IL1RAPL2: variants seen among roughly 807,000 people sequenced by gnomAD.
IL1RAPL2 encodes X-linked interleukin-1 receptor accessory protein-like 2.
A neutral mutation model predicts 44.1 loss-of-function variants in IL1RAPL2; 3 were observed. The observed-to-expected ratio is 0.07, with a 90% CI of 0.03 to 0.18. The LOEUF (loss-of-function observed/expected upper bound fraction) is 0.18, where lower values mean the gene tolerates loss of function less well. Among genes scored for constraint, IL1RAPL2 ranks in the 10% least tolerant of loss-of-function variants. IL1RAPL2 has a pLI of 1.00. For missense variants in IL1RAPL2, 391 were observed against 496.4 expected (o/e 0.79, Z 2.02); for synonymous variants, 181 against 178.8 (o/e 1.01, Z -0.10).
At chrX:105,005,545 C>A (rs927597028) in intron 2 of IL1RAPL2, among the ~76,000 whole-genome samples, 1 of 111,026 alleles carries the variant, frequency 9.0e-6, no homozygotes, top group Admixed American at 9.6e-5. Flanking sequence ...AAGGATTAGG[C>A]ACTTTACCAC....
At chrX:104,592,145 A>ATATGTG (rs1361322909) in intron 1 of IL1RAPL2, among the ~76,000 whole-genome samples, 4 of 60,222 alleles carry the variant, frequency 6.6e-5, no homozygotes, top group Non-Finnish European at 1.2e-4. Context: ...ATGCCCGTAT[A>ATATGTG]TGTGTGTGTG....
chrX:105,159,623 A>G (rs1341044929), intron 2 of IL1RAPL2, among the ~76,000 whole-genome samples: 1 of 112,399 alleles, frequency 8.9e-6, no homozygotes, highest in African/African-American at 3.2e-5. Flanking sequence ...TTCTGGAAAC[A>G]CATTGCTTTC....
chrX:104,633,831 G>T (rs1240688040), intron 1 of IL1RAPL2, among the ~76,000 whole-genome samples: 4 of 111,192 alleles, frequency 3.6e-5, no homozygotes. Flanking sequence ...GTTTTTTTGT[G>T]TCTCTATTTC....
At chrX:105,159,048 G>C (rs1456527426) in intron 2 of IL1RAPL2, among the ~76,000 whole-genome samples, 1 of 111,839 alleles carries the variant, frequency 8.9e-6, no homozygotes, top group African/African-American at 3.3e-5. Flanking sequence ...CTGTGTACCA[G>C]GCATTATACC....
At chrX:105,192,742 T>C (rs1556138059) in intron 2 of IL1RAPL2, among the ~76,000 whole-genome samples, 1 of 110,989 alleles carries the variant, frequency 9.0e-6, no homozygotes, top group Non-Finnish European at 1.9e-5. Context: ...TCTTGAAATA[T>C]GTTGTAACCT....
chrX:105,444,468 G>A (rs1394398288), intron 5 of IL1RAPL2, among the ~76,000 whole-genome samples: 1 of 111,047 alleles, frequency 9.0e-6, no homozygotes, highest in African/African-American at 3.3e-5. Flanking sequence ...TTGCTTCATA[G>A]TCTGAGGTTT....
At chrX:104,908,194 T>G (rs1035213104) in intron 2 of IL1RAPL2, among the ~76,000 whole-genome samples, 18 of 111,875 alleles carry the variant, frequency 1.6e-4, no homozygotes, top group African/African-American at 5.9e-4. Flanking sequence ...AGCCTATGTG[T>G]GTCTCTGCAC....
intron 2 of IL1RAPL2, among the ~76,000 whole-genome samples, chrX:104,812,230 G>T (rs1196529397): frequency 9.0e-6 from 1 of 111,349 alleles, no homozygotes; most frequent in East Asian, 2.8e-4. Flanking sequence ...CCTGCTGATG[G>T]TCTGCATACA....
At chrX:104,651,081 A>G (rs1007335198) in intron 1 of IL1RAPL2, among the ~76,000 whole-genome samples, 4 of 112,144 alleles carry the variant, frequency 3.6e-5, no homozygotes, top group Admixed American at 2.8e-4. Context: ...ATAAAGTATA[A>G]TCATTGTTCA....
At chrX:104,727,421 A>T (rs1398345387) in intron 2 of IL1RAPL2, among the ~76,000 whole-genome samples, 2 of 111,723 alleles carry the variant, frequency 1.8e-5, no homozygotes, top group Non-Finnish European at 3.8e-5. Flanking sequence ...TATTATTAAA[A>T]AGTAAAAAAT....
At chrX:105,626,466 G>A (rs1408788631) in intron 6 of IL1RAPL2, among the ~76,000 whole-genome samples, 1 of 111,508 alleles carries the variant, frequency 9.0e-6, no homozygotes. Context: ...AACAGAGGAA[G>A]ATAAATCTGA....
intron 2 of IL1RAPL2, among the ~76,000 whole-genome samples, chrX:104,814,122 T>C (rs1569319453): frequency 9.0e-6 from 1 of 111,586 alleles, no homozygotes; most frequent in Non-Finnish European, 1.9e-5. Flanking sequence ...AGAGGAGCTG[T>C]ACTCAGATAG....
At chrX:104,778,899 A>G (rs1037491873) in intron 2 of IL1RAPL2, among the ~76,000 whole-genome samples, 1 of 110,386 alleles carries the variant, frequency 9.1e-6, no homozygotes, top group Non-Finnish European at 1.9e-5. Context: ...AATTGCCCAA[A>G]TGTCTTCTCA....
chrX:105,646,708 T>A (rs1377907334), intron 6 of IL1RAPL2, among the ~76,000 whole-genome samples: 2 of 112,041 alleles, frequency 1.8e-5, no homozygotes, highest in Non-Finnish European at 3.8e-5. Context: ...CCAGCCTATA[T>A]CCCCATGACA....
chrX:104,654,053 C>T (rs754830023), intron 1 of IL1RAPL2, among the ~76,000 whole-genome samples: 24 of 109,306 alleles, frequency 2.2e-4, no homozygotes, highest in African/African-American at 3.0e-4. Context: ...AAGATAATTT[C>T]CCCCCCACCC....
At chrX:104,690,523 C>A (rs1253136604) in intron 2 of IL1RAPL2, among the ~76,000 whole-genome samples, 2 of 112,461 alleles carry the variant, frequency 1.8e-5, no homozygotes, top group African/African-American at 6.5e-5. Flanking sequence ...AGTGGTAATG[C>A]ATAGGTAATT....
chrX:104,825,936 T>C (rs1305533170), intron 2 of IL1RAPL2, among the ~76,000 whole-genome samples: 1 of 111,552 alleles, frequency 9.0e-6, no homozygotes, highest in Admixed American at 9.6e-5. Flanking sequence ...TTATGCATGC[T>C]TGAGGGTTGA....
chrX:105,081,314 T>C (rs1022591641), intron 2 of IL1RAPL2, among the ~76,000 whole-genome samples: 4 of 111,800 alleles, frequency 3.6e-5, no homozygotes, highest in African/African-American at 1.3e-4. Context: ...AAGGGAATGC[T>C]TCCAATTTTT....
At chrX:105,160,879 A>T (rs752748014) in intron 2 of IL1RAPL2, among the ~76,000 whole-genome samples, 35 of 111,861 alleles carry the variant, frequency 3.1e-4, no homozygotes, top group African/African-American at 1.0e-3. Context: ...TCTGGTCAAG[A>T]CATGAAAATA....
Sources: allele counts gnomAD v4.1 joint callset (sites outside exome capture counted in the v4.1 genomes callset), GRCh38; gene constraint gnomAD v4.1.1; transcripts MANE v1.5; gene names NCBI Gene and HGNC (gene_info 2026-07-23, HGNC 2026-07-21).